Variants in ADGRG6 observed in about 807,000 individuals in gnomAD.
ADGRG6 encodes the protein G-protein coupled receptor 126.
In ADGRG6, 84 loss-of-function variants were observed where a neutral mutation model predicts 142.4. The ratio of observed to expected loss-of-function variants is 0.59; its 90% CI spans 0.49 to 0.71. The LOEUF (loss-of-function observed/expected upper bound fraction) is 0.71. Among genes scored for constraint, ADGRG6 ranks in the 30% least tolerant of loss-of-function variants. The pLI is 0.00. For missense variants in ADGRG6, 1,367 were observed against 1,466.6 expected (o/e 0.93, Z 1.11); for synonymous variants, 521 against 520.5 (o/e 1.00, Z -0.01).
At chr6:142,435,328 G>C (rs1040182966) in intron 22 of ADGRG6, among the ~76,000 whole-genome samples, 2 of 151,902 alleles carry the variant, frequency 1.3e-5, no homozygotes, top group African/African-American at 4.8e-5. Flanking sequence ...TGAACTTAAG[G>C]TTCAGTTCAA....
At chr6:142,340,312 T>A (rs1779551954) in intron 2 of ADGRG6, among the ~76,000 whole-genome samples, 1 of 152,126 alleles carries the variant, frequency 6.6e-6, no homozygotes, top group African/African-American at 2.4e-5. Context: ...CAAATATTTA[T>A]CAGTTAGCTA....
Position 142,438,206 on chromosome 6 carries a change from T to C in ADGRG6, c.3422-6T>C. On this transcript the variant is annotated splice_region_variant and splice_polypyrimidine_tract_variant and intron_variant, in intron 23 of 24. Transcript: ENST00000367609. ...ATTGATAGGGTGATGTCATTTTTTTTTTCAGATTGGAGTAAGACAGCTACC... is the reference window on the plus strand; with the variant it reads ...ATTGATAGGGTGATGTCATTTTTTTCTTCAGATTGGAGTAAGACAGCTACC... 6.4e-7 allele frequency: 1 copy of C among 1,569,366 alleles called. No homozygotes were observed.
intron 2 of ADGRG6, among the ~76,000 whole-genome samples, chr6:142,318,737 A>G (rs1778370072): frequency 6.6e-6 from 1 of 151,998 alleles, no homozygotes; most frequent in Non-Finnish European, 1.5e-5. Flanking sequence ...GAGCAGGGAC[A>G]AGGACAAATG....
At chr6:142,418,579 G>T (rs956044002) in intron 21 of ADGRG6, among the ~76,000 whole-genome samples, 15 of 152,012 alleles carry the variant, frequency 9.9e-5, no homozygotes, top group African/African-American at 3.4e-4. Context: ...CTAAATAAGA[G>T]AATTTTAGAA....
intron 22 of ADGRG6, among the ~76,000 whole-genome samples, chr6:142,429,310 G>C (rs1177512948): frequency 6.6e-6 from 1 of 152,170 alleles, no homozygotes; most frequent in African/African-American, 2.4e-5. Context: ...CATGAAAGTT[G>C]AGCTGTTACA....
Position 142,371,488 on chromosome 6 carries a change from T to G in ADGRG6, c.1069+695T>G, listed in dbSNP as rs919054094. On this transcript the variant is annotated intron_variant, in intron 4 of 24. Coordinates refer to ENST00000367609, the MANE Select transcript of ADGRG6 (RefSeq NM_198569.3). The stretch of plus-strand genomic sequence containing the variant: ...GGCCAGTTACTGTTTTTTTTTGTTT[T>G]TTTTTTTTTTTTTGAGACAGAGTCT... Among the ~76,000 whole-genome samples the G allele has an allele frequency of 9.0e-3, 1,144 of 127,074 alleles. 35 individuals carry two copies. The highest frequency in any genetic ancestry group is 0.08 in the East Asian group (353 of 4,386). The allele number at this position is 127,074 out of a possible 152,430, so 83.4% of individuals were successfully genotyped here. A position where few individuals can be genotyped will look rare whatever the true frequency, so the allele number is the denominator to read the frequency against.
At chr6:142,443,190 T>A (rs1582703439) in intron 24 of ADGRG6, 147 bp from the exon 25 acceptor site, 2 of 526,118 alleles carry the variant, frequency 3.8e-6, no homozygotes, top group East Asian at 2.9e-5. Flanking sequence ...GGAAGTTTAG[T>A]GTTGCCTATT....
At chr6:142,347,603 G>A (rs1005935972) in intron 2 of ADGRG6, among the ~76,000 whole-genome samples, 3 of 152,098 alleles carry the variant, frequency 2.0e-5, no homozygotes, top group African/African-American at 7.2e-5. Context: ...GATTTTTGTA[G>A]TTGGCCCAGT....
intron 24 of ADGRG6, among the ~76,000 whole-genome samples, chr6:142,439,822 A>G (rs998039695): frequency 1.3e-5 from 2 of 151,920 alleles, no homozygotes; most frequent in Non-Finnish European, 2.9e-5. Context: ...ATACCTGTGT[A>G]AATAAATTGA....
intron 3 of ADGRG6, among the ~76,000 whole-genome samples, chr6:142,369,357 C>T (rs1342299509): frequency 3.3e-5 from 5 of 152,176 alleles, no homozygotes; most frequent in African/African-American, 1.2e-4. Flanking sequence ...TGGCACTGCT[C>T]TGTGCCTTGG....
chr6:142,305,574 C>A (rs1018103238), intron 1 of ADGRG6, among the ~76,000 whole-genome samples: 15 of 151,796 alleles, frequency 9.9e-5, no homozygotes, highest in African/African-American at 3.6e-4. Context: ...AATATAGTTG[C>A]CAAAAAATAG....
chr6:142,396,744 T>A (rs1015605750), intron 9 of ADGRG6, among the ~76,000 whole-genome samples: 1 of 152,158 alleles, frequency 6.6e-6, no homozygotes, highest in South Asian at 2.1e-4. Flanking sequence ...AATCCAGAGC[T>A]TTCACATATA....
chr6:142,421,703 T>A (rs1442744241), intron 22 of ADGRG6, among the ~76,000 whole-genome samples: 1 of 152,194 alleles, frequency 6.6e-6, no homozygotes, highest in Non-Finnish European at 1.5e-5. Context: ...TTTCCATTAA[T>A]GAGAATTGGG....
intron 2 of ADGRG6, among the ~76,000 whole-genome samples, chr6:142,315,101 T>A (rs1375308079): frequency 1.3e-5 from 2 of 152,008 alleles, no homozygotes; most frequent in Non-Finnish European, 2.9e-5. Context: ...CTTTTAATAA[T>A]GAACTAGACC....
At chr6:142,392,700 G>C (rs1774958246) in intron 7 of ADGRG6, among the ~76,000 whole-genome samples, 1 of 151,916 alleles carries the variant, frequency 6.6e-6, no homozygotes, top group African/African-American at 2.4e-5. Flanking sequence ...ATAAGACTAT[G>C]GGGTGTGTGG....
At position 142,302,028 on chromosome 6, in the gene ADGRG6, C is replaced by T. The variant is rs996044341; in HGVS notation, c.-302C>T. 3 of 495,784 alleles carry T rather than the reference C, an allele frequency of 6.1e-6. No homozygotes were observed. The highest frequency in any genetic ancestry group is 1.1e-5 in the Non-Finnish European group (3 of 283,270). The allele number at this position is 495,784 out of a possible 1,614,324, so 30.7% of individuals were successfully genotyped here. ...TGGCCCGGTCTCCTCAGCACCAGCC[C>T]CACGCACACCCTACTTCCTCAGCTT... On this transcript the variant is annotated 5_prime_UTR_variant, in exon 1 of 25. Transcript: ENST00000367609.
At chr6:142,389,901 C>T (rs1295931823) in intron 6 of ADGRG6, among the ~76,000 whole-genome samples, 1 of 151,760 alleles carries the variant, frequency 6.6e-6, no homozygotes, top group African/African-American at 2.4e-5. Flanking sequence ...GCACAGAAAG[C>T]ATAATGCCTG....
At chr6:142,404,593 G>A (rs912609429) in intron 14 of ADGRG6, among the ~76,000 whole-genome samples, 7 of 151,990 alleles carry the variant, frequency 4.6e-5, no homozygotes, top group Non-Finnish European at 7.4e-5. Flanking sequence ...GCAGTGAGCC[G>A]GAATCATGCC....
intron 11 of ADGRG6, among the ~76,000 whole-genome samples, chr6:142,401,012 G>C (rs1425104490): frequency 1.3e-5 from 2 of 152,146 alleles, no homozygotes; most frequent in African/African-American, 4.8e-5. Flanking sequence ...GGGATAGTCT[G>C]CTGATGGAAA....
Sources: gnomAD v4.1 joint callset for allele counts (sites outside exome capture counted in the v4.1 genomes callset) on GRCh38, gnomAD v4.1.1 for gene constraint, MANE v1.5 for transcripts, NCBI Gene and HGNC (gene_info 2026-07-23, HGNC 2026-07-21) for gene names.